The following CNIH4 variants were observed in gnomAD, a reference collection of about 807,000 sequenced individuals.
The protein encoded by CNIH4 is protein cornichon homolog 4.
In CNIH4, 9 loss-of-function variants were observed where a neutral mutation model predicts 21.5. The ratio of observed to expected loss-of-function variants is 0.42; its 90% CI spans 0.25 to 0.73. The LOEUF (loss-of-function observed/expected upper bound fraction) is 0.73, where lower values mean the gene tolerates loss of function less well. Ranked by LOEUF, CNIH4 falls within the 30% of genes least tolerant of loss-of-function variation. CNIH4 has a pLI of 0.27. For synonymous variants in CNIH4, 67 were observed against 59.1 expected (o/e 1.13, Z -0.61); for missense variants, 159 against 170.0 (o/e 0.94, Z 0.36).
rs554476969 is a variant in CNIH4, at chr1:224,376,926, A to T, written c.*1104A>T. 1 of 984,946 alleles carries T rather than the reference A, an allele frequency of 1.0e-6. No individual in the cohort carries two copies. The highest frequency in any genetic ancestry group is 4.7e-5 in the South Asian group (1 of 21,268). The allele number at this position is 984,946 out of a possible 1,614,324, so 61.0% of individuals were successfully genotyped here. On this transcript the variant is annotated 3_prime_UTR_variant, in exon 5 of 5. Transcript: ENST00000465271. Reference sequence around the variant, plus strand: ...TAATGTTGCTATCTTAAGCACTGGCATTTGGGCAAAACATGACTGTGTTCT... The same window carrying T: ...TAATGTTGCTATCTTAAGCACTGGCTTTTGGGCAAAACATGACTGTGTTCT...
At position 224,360,372 on chromosome 1, in the gene CNIH4, T is replaced by C. The variant is rs191737483; in HGVS notation, c.70-123T>C. 6.4e-3 allele frequency: 3,210 copies of C among 499,400 alleles called. 89 individuals are homozygous for C. The highest frequency in any genetic ancestry group is 1.7e-3 in the Non-Finnish European group (471 of 283,088). 30.9% of individuals were successfully genotyped at this position (499,400 alleles called of 1,614,324 possible). On this transcript the variant is annotated intron_variant, in intron 1 of 4. Coordinates refer to ENST00000465271, the MANE Select transcript of CNIH4 (RefSeq NM_014184.4). ...ATTGAGTTGTCTAATGAGCAAACTT[T>C]AGGAAACAACTCATTTTTTTCAAGT...
At chr1:224,368,439 T>C (rs1672527675) in intron 3 of CNIH4, among the ~76,000 whole-genome samples, 2 of 152,232 alleles carry the variant, frequency 1.3e-5, no homozygotes, top group Non-Finnish European at 2.9e-5. Context: ...AGGTTGGCTG[T>C]CTGCTGGTCA....
intron 1 of CNIH4, among the ~76,000 whole-genome samples, chr1:224,360,250 A>G (rs7513208): frequency 0.2 from 30,468 of 151,654 alleles, 3,269 homozygotes; most frequent in Middle Eastern, 0.23. Context: ...TTTACATTTG[A>G]AGAACTCAAA....
At chr1:224,366,034 A>C (rs750842690) in intron 3 of CNIH4, 43 bp downstream of exon 3, 1 of 1,290,302 alleles carries the variant, frequency 7.8e-7, no homozygotes, top group South Asian at 1.2e-5. Flanking sequence ...TAGTTAAAAA[A>C]AAATTTAAAA....
At chr1:224,369,320 C>T (rs1242661317) in intron 3 of CNIH4, among the ~76,000 whole-genome samples, 1 of 152,134 alleles carries the variant, frequency 6.6e-6, no homozygotes, top group Non-Finnish European at 1.5e-5. Context: ...CTTCTGTAAT[C>T]CCAGCACTTT....
chr1:224,376,296 A>T lies in CNIH4; in HGVS notation c.*474A>T. The T allele has an allele frequency of 1.0e-6, 1 of 985,760 alleles. No individual in the cohort carries two copies. Among genetic ancestry groups the T allele is most frequent in the Non-Finnish European group, 1.2e-6 (1 of 830,156 alleles). The allele number at this position is 985,760 out of a possible 1,614,324, so 61.1% of individuals were successfully genotyped here. A position where few individuals can be genotyped will look rare whatever the true frequency, so the allele number is the denominator to read the frequency against. On this transcript the variant is annotated 3_prime_UTR_variant, in exon 5 of 5. Transcript: ENST00000465271. Reference sequence around the variant, plus strand: ...GACAACTTCATTTAATATGGTTTAAAGATTTATGAGACTGTCAGCTAAAAG... The same window carrying T: ...GACAACTTCATTTAATATGGTTTAATGATTTATGAGACTGTCAGCTAAAAG...
At position 224,367,680 on chromosome 1, in the gene CNIH4, G is replaced by A. The variant is rs1464029403; in HGVS notation, c.251+1689G>A. Among the ~76,000 whole-genome samples, 3 of 152,112 alleles carry A rather than the reference G, an allele frequency of 2.0e-5. No individual in the cohort carries two copies. The East Asian group carries it at 5.8e-4, about 29-fold the overall frequency. ...CTCCTGGGCAGTTGGGACTGCAGGT[G>A]CACACCACCGCACCTGGCCTCTTTC... On this transcript the variant is annotated intron_variant, in intron 3 of 4. Transcript: ENST00000465271.
At chr1:224,375,434 G>A (rs1478595352) in intron 4 of CNIH4, among the ~76,000 whole-genome samples, 2 of 144,056 alleles carry the variant, frequency 1.4e-5, no homozygotes, top group East Asian at 2.1e-4. Flanking sequence ...AGAACAGTAT[G>A]TATCTGGCTA....
rs1258419996 is a variant in CNIH4, at chr1:224,377,178, G to A, written c.*1356G>A. 1 of 152,856 alleles carries A rather than the reference G, an allele frequency of 6.5e-6. No homozygotes were observed. Among genetic ancestry groups the A allele is most frequent in the Non-Finnish European group, 1.5e-5 (1 of 68,618 alleles). 9.5% of individuals were successfully genotyped at this position (152,856 alleles called of 1,614,324 possible). On this transcript the variant is annotated 3_prime_UTR_variant, in exon 5 of 5. Coordinates refer to ENST00000465271, the MANE Select transcript of CNIH4 (RefSeq NM_014184.4). ...AACACACAAAAGGAACGGTGAAATG[G>A]TAGGCAAAGTGAACTTGGCTCTGCT...
chr1:224,358,177 C>G (rs1203896967), intron 1 of CNIH4, among the ~76,000 whole-genome samples: 1 of 152,206 alleles, frequency 6.6e-6, no homozygotes, highest in African/African-American at 2.4e-5. Context: ...CATTATTTCC[C>G]TAAGCCTCAG....
intron 1 of CNIH4, 56 bp downstream of exon 1, chr1:224,357,049 C>A (rs947395131): frequency 6.4e-7 from 1 of 1,569,198 alleles, no homozygotes; most frequent in African/African-American, 1.3e-5. Context: ...TGAGGGTGGG[C>A]CAGTTGGGCA....
chr1:224,367,724 C>T (rs1180897393), intron 3 of CNIH4, among the ~76,000 whole-genome samples: 1 of 152,092 alleles, frequency 6.6e-6, no homozygotes, highest in African/African-American at 2.4e-5. Flanking sequence ...TAGTACTCTC[C>T]CATGATCAGT....
intron 2 of CNIH4, among the ~76,000 whole-genome samples, chr1:224,360,858 G>A (rs1018940458): frequency 1.3e-5 from 2 of 152,054 alleles, no homozygotes; most frequent in African/African-American, 2.4e-5. Flanking sequence ...TGTCTTCTGC[G>A]TTGGAACTCC....
chr1:224,362,085 ATT>A (rs35913393), intron 2 of CNIH4, among the ~76,000 whole-genome samples: 1 of 145,366 alleles, frequency 6.9e-6, no homozygotes. Context: ...GTACCATGCC[ATT>A]TTTTTTTTTT....
chr1:224,358,985 A>G (rs955707951), intron 1 of CNIH4, among the ~76,000 whole-genome samples: 1 of 152,234 alleles, frequency 6.6e-6, no homozygotes, highest in Non-Finnish European at 1.5e-5. Flanking sequence ...TGAACTGTGG[A>G]CAAAATCTAC....
Position 224,379,038 on chromosome 1 carries a change from T to G in CNIH4, c.*3216T>G, listed in dbSNP as rs1434377799. 3.9e-6 allele frequency: 6 copies of G among 1,550,194 alleles called. No individual in the cohort carries two copies. Reference sequence around the variant, plus strand: ...TATGTGCATCTTAGTACGTATCATTTTCCCTTGCCTTTTTCCTTCTATCCT... The same window carrying G: ...TATGTGCATCTTAGTACGTATCATTGTCCCTTGCCTTTTTCCTTCTATCCT... On this transcript the variant is annotated 3_prime_UTR_variant, in exon 5 of 5. Transcript: ENST00000465271.
intron 2 of CNIH4, chr1:224,363,961 G>A: frequency 1.5e-6 from 1 of 673,560 alleles, no homozygotes; most frequent in Non-Finnish European, 1.8e-6. Flanking sequence ...CTTCATGGAG[G>A]ATATGAGTCT....
intron 3 of CNIH4, among the ~76,000 whole-genome samples, chr1:224,368,609 T>C (rs1189807813): frequency 6.6e-6 from 1 of 151,734 alleles, no homozygotes; most frequent in Non-Finnish European, 1.5e-5. Context: ...ATATAGTAAC[T>C]CTATATTTAA....
intron 1 of CNIH4, 34 bp downstream of exon 1, chr1:224,357,027 G>A (rs1024614712): frequency 3.1e-6 from 5 of 1,590,596 alleles, no homozygotes; most frequent in Non-Finnish European, 4.3e-6. Flanking sequence ...ACGCCTTGCC[G>A]GGGGACACGG....
Sources: allele counts gnomAD v4.1 joint callset (sites outside exome capture counted in the v4.1 genomes callset), GRCh38; gene constraint gnomAD v4.1.1; transcripts MANE v1.5; gene names NCBI Gene and HGNC (gene_info 2026-07-23, HGNC 2026-07-21).